PDE12: variants seen among roughly 807,000 people sequenced by gnomAD.
The protein encoded by PDE12 is 2',5'-phosphodiesterase 12.
In PDE12, 26 loss-of-function variants were observed where a neutral mutation model predicts 45.4. The observed-to-expected ratio is 0.57, with a 90% CI of 0.42 to 0.79. PDE12 has a LOEUF of 0.79. Ranked by LOEUF, PDE12 falls within the 30% of genes least tolerant of loss-of-function variation. The pLI is 0.00. For synonymous variants in PDE12, 283 were observed against 323.9 expected (o/e 0.87, Z 1.36); for missense variants, 668 against 790.0 (o/e 0.85, Z 1.85).
At chr3:57,608,391 T>A in the PDE12 span, among the ~76,000 whole-genome samples, 3 of 152,080 alleles carry the variant, frequency 2.0e-5, no homozygotes, top group Non-Finnish European at 4.4e-5. Flanking sequence ...ATAACAATAT[T>A]AACCTTAAAT....
At chr3:57,597,202 T>C in the PDE12 span, 1 of 1,504,284 alleles carries the variant, frequency 6.6e-7, no homozygotes, top group Non-Finnish European at 9.2e-7. Flanking sequence ...CCGTGCTTTC[T>C]CCTTTCAAGC....
chr3:57,630,742 A>G, the PDE12 span: 1 of 1,614,012 alleles, frequency 6.2e-7, no homozygotes, highest in Non-Finnish European at 8.5e-7. Context: ...ATCGCCTTTT[A>G]TTCTAGAGGT....
chr3:57,559,932 C>T lies in PDE12; in HGVS notation c.1758C>T (p.Thr586=). 6.2e-7 allele frequency: 1 copy of T among 1,613,602 alleles called. No homozygotes were observed. The highest frequency in any genetic ancestry group is 8.5e-7 in the Non-Finnish European group (1 of 1,180,002). Residue 586 remains threonine, a synonymous_variant, in exon 3 of 3, where the codon ACC becomes ACT. Coordinates refer to ENST00000311180, the MANE Select transcript of PDE12 (RefSeq NM_177966.7). ...TACCTAGTCATGAAGAAGTTACCAC[C>T]CACCAGGCCTTACCTAGTGTTTCCC... ...IPLPSHEEVT[T]HQALPSVSHP...
At position 57,557,638 on chromosome 3, in the gene PDE12, T is replaced by G; in HGVS notation, c.1259T>G (p.Leu420Trp). 1 of 1,614,126 alleles carries G rather than the reference T, an allele frequency of 6.2e-7. No individual in the cohort carries two copies. The highest frequency in any genetic ancestry group is 8.5e-7 in the Non-Finnish European group (1 of 1,180,028). The change falls in exon 1 of 3, where the codon TTG becomes TGG. Residue 420 changes from leucine to tryptophan, a missense_variant. Leu to Trp is a moderately conservative substitution (Grantham distance 61, BLOSUM62 -2). Transcript: ENST00000311180. Reference protein sequence around the residue: ...LHKELLEKLVLYPSAQEKVLQ... With the variant: ...LHKELLEKLVWYPSAQEKVLQ... ...AAAGAACTGCTGGAGAAACTAGTTTTGTACCCATCAGCGCAGGAGAAGGTG... is the reference window on the plus strand; with the variant it reads ...AAAGAACTGCTGGAGAAACTAGTTTGGTACCCATCAGCGCAGGAGAAGGTG...
the PDE12 span, among the ~76,000 whole-genome samples, chr3:57,631,879 C>T: frequency 1.3e-5 from 2 of 150,680 alleles, no homozygotes; most frequent in Non-Finnish European, 3.0e-5. Flanking sequence ...CCCACCACCA[C>T]GCCCGGCTAA....
the PDE12 span, among the ~76,000 whole-genome samples, chr3:57,636,041 T>C: frequency 2.6e-5 from 4 of 152,190 alleles, 1 homozygote; most frequent in Admixed American, 2.6e-4. Context: ...AAGGATACAA[T>C]ATATAATACA....
the PDE12 span, among the ~76,000 whole-genome samples, chr3:57,632,028 T>TC: frequency 7.8e-6 from 1 of 128,254 alleles, no homozygotes; most frequent in African/African-American, 2.9e-5. Context: ...GGCCTTTTTT[T>TC]TTTTTTTTTT....
Position 57,564,730 on chromosome 3 carries a change from A to G in PDE12, c.*4726A>G, listed in dbSNP as rs62260501. The G allele has an allele frequency of 0.17, 26,064 of 151,772 alleles. 2,536 individuals are homozygous for G. Among genetic ancestry groups the G allele is most frequent in the African/African-American group, 0.23 (9,414 of 41,324 alleles). The allele number at this position is 151,772 out of a possible 1,614,324, so 9.4% of individuals were successfully genotyped here. On this transcript the variant is annotated 3_prime_UTR_variant, in exon 3 of 3. Transcript: ENST00000311180. ...CCCAGGCTTGGAGGGCACTGGTGCC[A>G]TCACGGCTTACTGCAACCTCCACCT...
chr3:57,628,342 G>C, the PDE12 span: 2 of 1,613,472 alleles, frequency 1.2e-6, no homozygotes, highest in African/African-American at 1.3e-5. Context: ...CGATCAGCCT[G>C]CAACTACATA....
the PDE12 span, among the ~76,000 whole-genome samples, chr3:57,622,197 C>T: frequency 6.6e-6 from 1 of 151,970 alleles, no homozygotes; most frequent in African/African-American, 2.4e-5. Context: ...CAAACCAAAA[C>T]CAAAACAAAC....
At chr3:57,631,746 G>A in the PDE12 span, among the ~76,000 whole-genome samples, 548 of 129,896 alleles carry the variant, frequency 4.2e-3, 4 homozygotes, top group African/African-American at 0.015. Context: ...TTTTTGAGAC[G>A]GAGTCTCACT....
chr3:57,647,288 A>T, the PDE12 span, among the ~76,000 whole-genome samples: 2 of 152,222 alleles, frequency 1.3e-5, no homozygotes, highest in African/African-American at 4.8e-5. Context: ...GTGCCACAAA[A>T]GAAACAAACA....
chr3:57,630,572 C>A, the PDE12 span: 1 of 1,546,758 alleles, frequency 6.5e-7, no homozygotes. Context: ...AACTTATTTC[C>A]TTTCCTCAAT....
intron 1 of PDE12, among the ~76,000 whole-genome samples, chr3:57,558,791 A>G (rs2069694498): frequency 6.6e-6 from 1 of 151,464 alleles, no homozygotes; most frequent in Admixed American, 6.6e-5. Context: ...CGCCCGGCCT[A>G]TATTGGACTA....
At chr3:57,642,313 C>CAAAAAAAAAAAAAAAAAA in the PDE12 span, among the ~76,000 whole-genome samples, 1 of 67,564 alleles carries the variant, frequency 1.5e-5, no homozygotes, top group Non-Finnish European at 2.7e-5. Flanking sequence ...GACTCTGTCT[C>CAAAAAAAAAAAAAAAAAA]AAAAAAAAAA....
chr3:57,634,657 C>T, the PDE12 span: 2 of 1,490,418 alleles, frequency 1.3e-6, no homozygotes, highest in Middle Eastern at 1.9e-4. Flanking sequence ...ACAAAAAAAC[C>T]CAAGTACCAT....
the PDE12 span, chr3:57,597,267 G>A: frequency 1.1e-6 from 1 of 908,850 alleles, no homozygotes; most frequent in African/African-American, 1.7e-5. Context: ...AAAGAGGGAG[G>A]CAGAAACGTC....
Position 57,560,412 on chromosome 3 carries a change from G to GC in PDE12, c.*413dup, listed in dbSNP as rs1296397713. Reference sequence around the variant, plus strand: ...ACAATCTCGGCTCACTGCAACCTCCGCCCCCTGGGTTTAAGCGATTCTCCT... The same window carrying GC: ...ACAATCTCGGCTCACTGCAACCTCCGCCCCCCTGGGTTTAAGCGATTCTCCT... On this transcript the variant is annotated 3_prime_UTR_variant, in exon 3 of 3. Coordinates refer to ENST00000311180, the MANE Select transcript of PDE12 (RefSeq NM_177966.7). The GC allele has an allele frequency of 6.4e-6, 4 of 622,082 alleles. No individual in the cohort carries two copies. In the Admixed American group the frequency reaches 1.7e-4, roughly 27 times the overall value. 38.5% of individuals were successfully genotyped at this position (622,082 alleles called of 1,614,324 possible).
At chr3:57,597,017 C>G in the PDE12 span, 1 of 1,584,380 alleles carries the variant, frequency 6.3e-7, no homozygotes. Context: ...GAGGCCACCC[C>G]AATTGTGGAG....
Sources: gnomAD v4.1 joint callset for allele counts (sites outside exome capture counted in the v4.1 genomes callset) on GRCh38, gnomAD v4.1.1 for gene constraint, MANE v1.5 for transcripts, NCBI Gene and HGNC (gene_info 2026-07-23, HGNC 2026-07-21) for gene names.